TMEM183A: variants seen among roughly 807,000 people sequenced by gnomAD.
The protein encoded by TMEM183A is chromosome 1 open reading frame 37.
In TMEM183A, 21 loss-of-function variants were observed where a neutral mutation model predicts 46.7. The observed-to-expected ratio is 0.45, with a 90% CI of 0.32 to 0.65. The LOEUF (loss-of-function observed/expected upper bound fraction) is 0.65. Ranked by LOEUF, TMEM183A falls within the 30% of genes least tolerant of loss-of-function variation. The pLI is 0.04. For missense variants in TMEM183A, 331 were observed against 481.9 expected (o/e 0.69, Z 2.93); for synonymous variants, 165 against 180.2 (o/e 0.92, Z 0.68).
chr1:203,020,112 A>C (rs1021183753), intron 6 of TMEM183A, among the ~76,000 whole-genome samples: 3 of 152,196 alleles, frequency 2.0e-5, no homozygotes, highest in African/African-American at 4.8e-5. Context: ...TTCTCACGTG[A>C]TGGCAGGTGG....
chr1:203,022,814 G>A (rs775279080), intron 7 of TMEM183A, 41 bp from the exon 8 acceptor site: 46 of 1,612,952 alleles, frequency 2.9e-5, no homozygotes, highest in Non-Finnish European at 3.7e-5. Flanking sequence ...TGGAAACCAA[G>A]GTTGTGTAAG....
Position 203,007,582 on chromosome 1 carries a change from AG to A in TMEM183A, c.109+14del, listed in dbSNP as rs1404721025. 9.7e-6 allele frequency: 15 copies of A among 1,540,408 alleles called. No homozygotes were observed. The highest frequency in any genetic ancestry group is 1.9e-5 in the Admixed American group (1 of 51,478). On this transcript the variant is annotated intron_variant, in intron 1 of 7. Transcript: ENST00000367242. ...ACGCCTGCTCCGGCCGAGGTGGGCG[AG>A]GGGGGCAGGGGCGCTGAAACATTTT...
intron 3 of TMEM183A, 138 bp downstream of exon 3, chr1:203,008,948 AC>A: frequency 1.2e-6 from 1 of 842,350 alleles, no homozygotes; most frequent in Non-Finnish European, 1.7e-6. Context: ...CTCCCTAAGA[AC>A]CTTGGTAGTG....
At chr1:203,022,702 C>CA (rs112434420) in intron 7 of TMEM183A, among the ~76,000 whole-genome samples, 153 bp from the exon 8 acceptor site, 3,026 of 100,478 alleles carry the variant, frequency 0.03, 56 homozygotes, top group African/African-American at 0.082. Context: ...GGTCCTTTCT[C>CA]AAAAAAAAAA....
intron 2 of TMEM183A, 42 bp downstream of exon 2, chr1:203,007,905 C>A (rs2102527080): frequency 6.2e-7 from 1 of 1,611,004 alleles, no homozygotes; most frequent in East Asian, 2.2e-5. Flanking sequence ...GCCGCGAAGA[C>A]AGAACTAGGT....
At chr1:203,015,650 C>T in intron 4 of TMEM183A, 2 of 277,876 alleles carry the variant, frequency 7.2e-6, no homozygotes, top group South Asian at 1.2e-4. Context: ...GGCTCTTCGC[C>T]AGTATAGGTT....
intron 3 of TMEM183A, among the ~76,000 whole-genome samples, chr1:203,010,475 C>G (rs1656463607): frequency 6.6e-6 from 1 of 152,028 alleles, no homozygotes; most frequent in Non-Finnish European, 1.5e-5. Context: ...ATTAGGGCTG[C>G]TCGACCAATA....
Position 203,018,330 on chromosome 1 carries a change from A to G in TMEM183A, c.709-151A>G, listed in dbSNP as rs996398112. Reference sequence around the variant, plus strand: ...TGCACCAGTGTCAACTTGGGGGTCTATCTGTGCCAAAGTAAAATCTCAGCA... The same window carrying G: ...TGCACCAGTGTCAACTTGGGGGTCTGTCTGTGCCAAAGTAAAATCTCAGCA... On this transcript the variant is annotated intron_variant, in intron 5 of 7. Transcript: ENST00000367242. 24 of 874,302 alleles carry G rather than the reference A, an allele frequency of 2.7e-5. No homozygotes were observed. In the Admixed American group the frequency reaches 4.1e-4, roughly 15 times the overall value. The allele number at this position is 874,302 out of a possible 1,614,324, so 54.2% of individuals were successfully genotyped here.
intron 7 of TMEM183A, 79 bp downstream of exon 7, chr1:203,021,027 C>T (rs878993601): frequency 2.2e-3 from 1,517 of 696,678 alleles, no homozygotes; most frequent in South Asian, 7.7e-3. Flanking sequence ...AACCGCAGCT[C>T]TTTTTTTTTT....
chr1:203,016,649 G>C (rs1657195677), intron 5 of TMEM183A, among the ~76,000 whole-genome samples: 1 of 152,190 alleles, frequency 6.6e-6, no homozygotes, highest in African/African-American at 2.4e-5. Flanking sequence ...CCTGTGCCAG[G>C]CTATTGCCCG....
At chr1:203,019,333 C>T (rs1657451715) in intron 6 of TMEM183A, among the ~76,000 whole-genome samples, 1 of 152,174 alleles carries the variant, frequency 6.6e-6, no homozygotes, top group Non-Finnish European at 1.5e-5. Flanking sequence ...TAACAACCTA[C>T]TGCAAAGAGT....
intron 3 of TMEM183A, among the ~76,000 whole-genome samples, chr1:203,011,112 G>A (rs1246727818): frequency 6.6e-6 from 1 of 152,126 alleles, no homozygotes; most frequent in Non-Finnish European, 1.5e-5. Flanking sequence ...TGTGGACATA[G>A]GTTTTTTTAG....
At chr1:203,022,706 A>T in intron 7 of TMEM183A, 149 bp from the exon 8 acceptor site, 1 of 1,141,062 alleles carries the variant, frequency 8.8e-7, no homozygotes, top group Non-Finnish European at 1.2e-6. Context: ...CTTTCTCAAA[A>T]AAAAAAAAAA....
intron 4 of TMEM183A, 120 bp downstream of exon 4, chr1:203,015,168 G>A: frequency 2.8e-6 from 4 of 1,430,628 alleles, no homozygotes; most frequent in South Asian, 1.3e-5. Flanking sequence ...GTCTGGGCAT[G>A]ACCCAGCTTT....
chr1:203,016,858 T>A (rs1444453780), intron 5 of TMEM183A, among the ~76,000 whole-genome samples: 1 of 152,192 alleles, frequency 6.6e-6, no homozygotes, highest in Non-Finnish European at 1.5e-5. Flanking sequence ...TCTCTTTTTC[T>A]CCTACCTGAT....
chr1:203,010,066 G>A (rs1319781241), intron 3 of TMEM183A, among the ~76,000 whole-genome samples: 3 of 151,280 alleles, frequency 2.0e-5, no homozygotes, highest in Admixed American at 6.6e-5. Context: ...CCTGGGAGGC[G>A]AAGGTAGCAG....
chr1:203,022,874 C>T lies in TMEM183A; in HGVS notation c.965C>T (p.Thr322Met), dbSNP rs778043728. 19 of 1,613,618 alleles carry T rather than the reference C, an allele frequency of 1.2e-5. No individual in the cohort carries two copies. Among genetic ancestry groups the T allele is most frequent in the Admixed American group, 6.7e-5 (4 of 59,964 alleles). Reference protein sequence around the residue: ...IFTLFTINVSTDMRHHRVRLV... With the variant: ...IFTLFTINVSMDMRHHRVRLV... Reference sequence around the variant, plus strand: ...TTTCAGTTTACTATCAATGTGAGCACGGACATGCGGCATCATCGAGTGAGA... The same window carrying T: ...TTTCAGTTTACTATCAATGTGAGCATGGACATGCGGCATCATCGAGTGAGA... Residue 322 changes from threonine (T) to methionine (M), a missense_variant, in exon 8 of 8, where the codon ACG becomes ATG. Around this residue, in one of 2 missense-constraint regions of TMEM183A, gnomAD observed 233 missense variants for 385.8 expected, o/e 0.60. Transcript: ENST00000367242.
intron 3 of TMEM183A, among the ~76,000 whole-genome samples, chr1:203,014,153 G>T (rs1656941002): frequency 6.6e-6 from 1 of 152,242 alleles, no homozygotes; most frequent in Non-Finnish European, 1.5e-5. Context: ...GCATAAAGCT[G>T]GAATTCGGAG....
intron 3 of TMEM183A, 128 bp from the exon 4 acceptor site, chr1:203,014,760 GA>G: frequency 7.5e-7 from 1 of 1,327,036 alleles, no homozygotes; most frequent in Non-Finnish European, 1.0e-6. Context: ...TGATAAGTTT[GA>G]GGGGTTTCCT....
Sources: gnomAD v4.1 joint callset for allele counts (sites outside exome capture counted in the v4.1 genomes callset) on GRCh38, gnomAD v4.1.1 for gene constraint, gnomAD v4.1.1 regional missense constraint, MANE v1.5 for transcripts, NCBI Gene and HGNC (gene_info 2026-07-23, HGNC 2026-07-21) for gene names.